Variants in CDKAL1 observed in about 807,000 individuals in gnomAD.
CDKAL1 encodes the protein threonylcarbamoyladenosine tRNA methylthiotransferase.
CDKAL1 carries 32 observed loss-of-function variants against 68.2 expected under a neutral mutation model. The ratio of observed to expected loss-of-function variants is 0.47; its 90% CI spans 0.35 to 0.63. The LOEUF (loss-of-function observed/expected upper bound fraction) is 0.63. Among genes scored for constraint, CDKAL1 ranks in the 30% least tolerant of loss-of-function variants. The pLI, the probability that CDKAL1 is intolerant of heterozygous loss-of-function variation, is 0.00. For synonymous variants in CDKAL1, 234 were observed against 244.3 expected, an observed-to-expected ratio of 0.96 and a Z score of 0.39; for missense variants, 606 against 696.7, an observed-to-expected ratio of 0.87 and a Z score of 1.47.
intron 6 of CDKAL1, among the ~76,000 whole-genome samples, chr6:20,748,959 A>ATATATG (rs950501057): frequency 6.6e-6 from 1 of 151,862 alleles, no homozygotes; most frequent in African/African-American, 2.4e-5. Flanking sequence ...ATGTGTATAT[A>ATATATG]TATATGTATA....
intron 9 of CDKAL1, among the ~76,000 whole-genome samples, chr6:20,939,143 G>A (rs1218611754): frequency 1.3e-5 from 2 of 152,138 alleles, no homozygotes; most frequent in Non-Finnish European, 2.9e-5. Flanking sequence ...TCTTATTGTA[G>A]CTTTCGTTCT....
intron 4 of CDKAL1, among the ~76,000 whole-genome samples, chr6:20,638,557 A>G (rs950061215): frequency 1.3e-5 from 2 of 151,478 alleles, no homozygotes; most frequent in Non-Finnish European, 2.9e-5. Context: ...GTGTTTATAT[A>G]GGCTCTTGGT....
chr6:20,752,978 A>G (rs929987452), intron 6 of CDKAL1, among the ~76,000 whole-genome samples: 2 of 152,004 alleles, frequency 1.3e-5, no homozygotes, highest in Non-Finnish European at 2.9e-5. Context: ...GACCACTCCC[A>G]ACGTTTTTTT....
intron 9 of CDKAL1, among the ~76,000 whole-genome samples, chr6:20,949,809 A>T (rs774452587): frequency 6.6e-6 from 1 of 152,142 alleles, no homozygotes; most frequent in Non-Finnish European, 1.5e-5. Flanking sequence ...GTATTTCTTG[A>T]GATGGAGTCT....
chr6:21,007,264 C>T (rs1582014202), intron 11 of CDKAL1, among the ~76,000 whole-genome samples: 1 of 151,834 alleles, frequency 6.6e-6, no homozygotes, highest in East Asian at 1.9e-4. Context: ...CATAGCAAAA[C>T]CCCATCTCTA....
chr6:20,602,728 A>T (rs894513516), intron 4 of CDKAL1, among the ~76,000 whole-genome samples: 4 of 152,146 alleles, frequency 2.6e-5, no homozygotes, highest in African/African-American at 9.7e-5. Flanking sequence ...TTACTGATTC[A>T]GCAGCCTCAC....
At chr6:20,600,026 GT>G (rs1766014716) in intron 4 of CDKAL1, among the ~76,000 whole-genome samples, 1 of 152,142 alleles carries the variant, frequency 6.6e-6, no homozygotes, top group Non-Finnish European at 1.5e-5. Context: ...TCCTCCCTAT[GT>G]GAATATCATG....
chr6:20,998,317 A>G (rs1055856969), intron 10 of CDKAL1, among the ~76,000 whole-genome samples: 41 of 152,148 alleles, frequency 2.7e-4, no homozygotes, highest in Non-Finnish European at 1.0e-4. Context: ...TATGGCTACA[A>G]AGAGGCTGCT....
At chr6:20,742,324 A>G (rs1360776902) in intron 6 of CDKAL1, among the ~76,000 whole-genome samples, 1 of 151,984 alleles carries the variant, frequency 6.6e-6, no homozygotes, top group Non-Finnish European at 1.5e-5. Flanking sequence ...CCATTTTGTT[A>G]CCACTAGTAG....
intron 5 of CDKAL1, among the ~76,000 whole-genome samples, chr6:20,711,498 A>G (rs1771844387): frequency 6.6e-6 from 1 of 152,208 alleles, no homozygotes; most frequent in Non-Finnish European, 1.5e-5. Context: ...GCGGAATGAT[A>G]ATATGGATGC....
At chr6:20,758,723 C>G in intron 7 of CDKAL1, 80 bp downstream of exon 7, 2 of 967,300 alleles carry the variant, frequency 2.1e-6, no homozygotes, top group Non-Finnish European at 3.1e-6. Flanking sequence ...TAACTCTTGC[C>G]AGGCACCTTT....
chr6:21,135,494 T>C (rs1775545687), intron 13 of CDKAL1: 1 of 154,542 alleles, frequency 6.5e-6, no homozygotes, highest in Admixed American at 6.5e-5. Context: ...AATAAAATGA[T>C]GAATACATGT....
intron 5 of CDKAL1, among the ~76,000 whole-genome samples, chr6:20,726,068 AG>A (rs1379873181): frequency 6.6e-6 from 1 of 151,954 alleles, no homozygotes; most frequent in African/African-American, 2.4e-5. Context: ...CATCTTTTAT[AG>A]GGGGGAGTAT....
Position 20,962,540 on chromosome 6 carries a change from G to A in CDKAL1, c.909+6955G>A, listed in dbSNP as rs1033723891. ...CATTAATAATATGTTTGCCTTTGCC[G>A]AGTTTTAAAAAATGCCTCATAGTTT... is the stretch of plus-strand genomic sequence containing the variant. On this transcript the variant is annotated intron_variant, in intron 10 of 15. Transcript: ENST00000274695. Among the ~76,000 whole-genome samples, 6 of 152,094 alleles carry A rather than the reference G, an allele frequency of 3.9e-5. No individual in the cohort carries two copies. The East Asian group carries it at 5.8e-4, about 15-fold the overall frequency.
At chr6:21,212,723 G>A (rs1302207499) in intron 15 of CDKAL1, among the ~76,000 whole-genome samples, 4 of 152,032 alleles carry the variant, frequency 2.6e-5, no homozygotes, top group South Asian at 2.1e-4. Flanking sequence ...AAATTTTTAT[G>A]TATTTAGGGG....
At chr6:20,936,489 A>T (rs1319326219) in intron 9 of CDKAL1, among the ~76,000 whole-genome samples, 1 of 151,180 alleles carries the variant, frequency 6.6e-6, no homozygotes, top group African/African-American at 2.4e-5. Flanking sequence ...TGACCTCGTG[A>T]TCCGCCCGCC....
intron 4 of CDKAL1, among the ~76,000 whole-genome samples, chr6:20,611,741 TG>T (rs1346604844): frequency 7.9e-5 from 12 of 152,228 alleles, no homozygotes; most frequent in African/African-American, 2.9e-4. Context: ...TTCTGTGTAC[TG>T]GGAACATGTC....
chr6:20,723,203 A>T (rs1007707852), intron 5 of CDKAL1, among the ~76,000 whole-genome samples: 2 of 151,860 alleles, frequency 1.3e-5, no homozygotes, highest in Middle Eastern at 3.2e-3. Flanking sequence ...TGTAACACCC[A>T]CTCTGGGGCT....
intron 5 of CDKAL1, among the ~76,000 whole-genome samples, chr6:20,724,377 C>A (rs938369538): frequency 1.1e-4 from 17 of 152,108 alleles, no homozygotes; most frequent in Middle Eastern, 3.4e-3. Flanking sequence ...TGTTTGATAA[C>A]CTTTTATGAG....
Sources: allele counts gnomAD v4.1 joint callset (sites outside exome capture counted in the v4.1 genomes callset), GRCh38; gene constraint gnomAD v4.1.1; transcripts MANE v1.5; gene names NCBI Gene and HGNC (gene_info 2026-07-23, HGNC 2026-07-21).